The following MACROD2 variants were observed in gnomAD, a reference collection of about 807,000 sequenced individuals.
MACROD2 encodes mono-ADP ribosylhydrolase 2, also known as ADP-ribose glycohydrolase MACROD2.
MACROD2 carries 36 observed loss-of-function variants against 70.4 expected under a neutral mutation model. The observed-to-expected ratio is 0.51, with a 90% CI of 0.39 to 0.68. MACROD2 has a LOEUF of 0.68. Ranked by LOEUF, MACROD2 falls within the 30% of genes least tolerant of loss-of-function variation. The pLI, the probability that MACROD2 is intolerant of heterozygous loss-of-function variation, is 0.00. For synonymous variants in MACROD2, 172 were observed against 178.8 expected, an observed-to-expected ratio of 0.96 and a Z score of 0.30; for missense variants, 496 against 538.4, an observed-to-expected ratio of 0.92 and a Z score of 0.78.
intron 6 of MACROD2, among the ~76,000 whole-genome samples, chr20:15,280,333 A>G (rs1364315020): frequency 6.6e-6 from 1 of 152,166 alleles, no homozygotes; most frequent in Non-Finnish European, 1.5e-5. Flanking sequence ...TATTTTATAT[A>G]ATTAAAAGAT....
intron 6 of MACROD2, among the ~76,000 whole-genome samples, chr20:15,231,636 A>C (rs115445994): frequency 7.2e-5 from 11 of 152,192 alleles, no homozygotes; most frequent in African/African-American, 2.6e-4. Flanking sequence ...TCAACCTTTT[A>C]ATAGAGAAAG....
At chr20:14,099,843 G>GTGCATAAATT (rs1041233863) in intron 3 of MACROD2, among the ~76,000 whole-genome samples, 4 of 152,052 alleles carry the variant, frequency 2.6e-5, no homozygotes, top group Non-Finnish European at 5.9e-5. Context: ...TTTAAAAATA[G>GTGCATAAATT]TGCATAAATT....
At chr20:15,773,801 G>C (rs1416234191) in intron 8 of MACROD2, among the ~76,000 whole-genome samples, 1 of 152,088 alleles carries the variant, frequency 6.6e-6, no homozygotes, top group Admixed American at 6.5e-5. Context: ...GTTATGAACA[G>C]CATTGTCCTT....
intron 3 of MACROD2, among the ~76,000 whole-genome samples, chr20:14,287,686 T>C (rs557206648): frequency 6.6e-6 from 1 of 152,286 alleles, no homozygotes; most frequent in Admixed American, 6.5e-5. Flanking sequence ...CAATCAAGGT[T>C]TGAGCCAGGG....
At chr20:15,298,004 T>C (rs1399591769) in intron 6 of MACROD2, among the ~76,000 whole-genome samples, 2 of 152,190 alleles carry the variant, frequency 1.3e-5, no homozygotes, top group Admixed American at 1.3e-4. Context: ...TTCAAAGAGA[T>C]GGCCAGAAGT....
chr20:15,153,278 T>C (rs199292), intron 5 of MACROD2, among the ~76,000 whole-genome samples: 89,261 of 151,496 alleles, frequency 0.59, 26,480 homozygotes, highest in East Asian at 0.65. Context: ...GGGGTGGGGC[T>C]ATTTTATAGG....
intron 8 of MACROD2, among the ~76,000 whole-genome samples, chr20:15,571,068 C>T (rs867763829): frequency 6.6e-6 from 1 of 152,114 alleles, no homozygotes; most frequent in African/African-American, 2.4e-5. Context: ...TCAGAATCCC[C>T]TAGTAGTTAA....
intron 5 of MACROD2, among the ~76,000 whole-genome samples, chr20:14,859,110 A>C (rs181666129): frequency 6.6e-6 from 1 of 152,004 alleles, no homozygotes; most frequent in Non-Finnish European, 1.5e-5. Flanking sequence ...GTAAAAGACT[A>C]CATATTAGGT....
intron 6 of MACROD2, among the ~76,000 whole-genome samples, chr20:15,332,843 C>A (rs930608481): frequency 9.2e-5 from 14 of 151,716 alleles, no homozygotes; most frequent in Middle Eastern, 3.4e-3. Flanking sequence ...CTTTGCACAG[C>A]AACTCAGATC....
intron 5 of MACROD2, among the ~76,000 whole-genome samples, chr20:14,966,987 T>C (rs6034075): frequency 0.022 from 3,349 of 151,772 alleles, 139 homozygotes; most frequent in African/African-American, 0.076. Context: ...TTTAAACAAA[T>C]AATTTATGGT....
At chr20:15,296,569 G>A (rs1407118703) in intron 6 of MACROD2, among the ~76,000 whole-genome samples, 1 of 152,080 alleles carries the variant, frequency 6.6e-6, no homozygotes, top group Non-Finnish European at 1.5e-5. Flanking sequence ...TTTTAATTTT[G>A]TGTATATTGG....
At chr20:14,767,138 A>C (rs948228164) in intron 5 of MACROD2, among the ~76,000 whole-genome samples, 1 of 152,102 alleles carries the variant, frequency 6.6e-6, no homozygotes, top group Non-Finnish European at 1.5e-5. Context: ...AGACCAGCCT[A>C]GGCAACATAA....
chr20:15,196,148 T>C (rs2076605068), intron 5 of MACROD2, among the ~76,000 whole-genome samples: 1 of 152,076 alleles, frequency 6.6e-6, no homozygotes, highest in Non-Finnish European at 1.5e-5. Context: ...GCTAGGTGAT[T>C]AGGTGATTGG....
At chr20:15,280,406 A>G (rs1316226175) in intron 6 of MACROD2, among the ~76,000 whole-genome samples, 1 of 152,212 alleles carries the variant, frequency 6.6e-6, no homozygotes, top group Non-Finnish European at 1.5e-5. Flanking sequence ...CATCTCAGTT[A>G]AGCATTTGGA....
chr20:15,792,764 G>A (rs570301744), intron 8 of MACROD2, among the ~76,000 whole-genome samples: 12 of 152,242 alleles, frequency 7.9e-5, no homozygotes, highest in African/African-American at 1.7e-4. Flanking sequence ...GGTCATATGC[G>A]CAGAAGTCTG....
At chr20:14,608,259 A>T (rs542332209) in intron 4 of MACROD2, among the ~76,000 whole-genome samples, 37 of 152,266 alleles carry the variant, frequency 2.4e-4, no homozygotes, top group African/African-American at 8.2e-4. Flanking sequence ...TCCGTCTCAA[A>T]AAATAAATAA....
intron 10 of MACROD2, among the ~76,000 whole-genome samples, chr20:15,894,723 T>G (rs2064943054): frequency 6.6e-6 from 1 of 152,234 alleles, no homozygotes; most frequent in Admixed American, 6.5e-5. Flanking sequence ...TGATGGCTGT[T>G]GTTATCAATA....
chr20:15,924,341 G>A (rs534486232), intron 10 of MACROD2, among the ~76,000 whole-genome samples: 1 of 152,214 alleles, frequency 6.6e-6, no homozygotes, highest in Admixed American at 6.5e-5. Flanking sequence ...TTCCCTTTGT[G>A]AGTTGCCCCA....
intron 3 of MACROD2, among the ~76,000 whole-genome samples, chr20:14,471,614 A>G (rs1013620795): frequency 2.6e-5 from 4 of 152,200 alleles, no homozygotes; most frequent in East Asian, 3.8e-4. Context: ...AAGCAACAAA[A>G]TAAAAGTTCA....
Sources: gnomAD v4.1 joint callset for allele counts (sites outside exome capture counted in the v4.1 genomes callset) on GRCh38, gnomAD v4.1.1 for gene constraint, MANE v1.5 for transcripts, NCBI Gene and HGNC (gene_info 2026-07-23, HGNC 2026-07-21) for gene names.